Variants in TMEM134 observed in about 807,000 individuals in gnomAD.
The protein encoded by TMEM134 is transmembrane protein 134.
Under a neutral mutation model 26.2 loss-of-function variants are expected in TMEM134, and 36 were observed. The observed-to-expected ratio is 1.37, with a 90% confidence interval of 1.05 to 1.81. The LOEUF is 1.81. Ranked by LOEUF, TMEM134 falls within the 40% of genes most tolerant of loss-of-function variation. The pLI is 0.00. For missense variants in TMEM134, 339 were observed against 263.5 expected, an observed-to-expected ratio of 1.29 and a Z score of -1.98; for synonymous variants, 133 against 113.6, an observed-to-expected ratio of 1.17 and a Z score of -1.08.
intron 1 of TMEM134, 28 bp downstream of exon 1, chr11:67,468,991 A>AG: frequency 6.9e-7 from 1 of 1,455,632 alleles, no homozygotes. Context: ...GGCCGGGGGC[A>AG]GGGGGTTAGG....
Position 67,469,095 on chromosome 11 carries a change from A to C in TMEM134, c.98T>G (p.Phe33Cys), listed in dbSNP as rs1423539231. 1 of 1,510,958 alleles carries C rather than the reference A, an allele frequency of 6.6e-7. No homozygotes were observed. The highest frequency in any genetic ancestry group is 8.9e-7 in the Non-Finnish European group (1 of 1,129,642). 93.6% of individuals were successfully genotyped at this position (1,510,958 alleles called of 1,614,324 possible). ...PGPESSGVAR[F>C]GPLHFERRAR... The stretch of plus-strand genomic sequence containing the variant: ...CCGACGCTCGAAGTGCAGCGGCCCA[A>C]AGCGCGCGACCCCGCTGGACTCGGG... Residue 33 changes from phenylalanine (F) to cysteine (C), a missense_variant, in exon 1 of 7, where the codon TTT becomes TGT. Physicochemically the swap from Phe to Cys is radical, Grantham distance 205 (BLOSUM62 -2). Coordinates refer to ENST00000308022, the MANE Select transcript of TMEM134 (RefSeq NM_025124.4).
intron 2 of TMEM134, 89 bp downstream of exon 2, chr11:67,467,935 AGAGT>A (rs1865380390): frequency 3.4e-6 from 4 of 1,166,794 alleles, no homozygotes; most frequent in Non-Finnish European, 5.0e-6. Context: ...GGGATGGAAG[AGAGT>A]GAGTGAAGTG....
At chr11:67,468,743 T>A (rs905855209) in intron 1 of TMEM134, among the ~76,000 whole-genome samples, 18 of 152,094 alleles carry the variant, frequency 1.2e-4, no homozygotes, top group Admixed American at 1.1e-3. Context: ...GTAGCCAGGA[T>A]GAGTGGGGAA....
chr11:67,467,995 G>C, intron 2 of TMEM134, 33 bp downstream of exon 2: 1 of 1,547,908 alleles, frequency 6.5e-7, no homozygotes. Context: ...GCTGGGGCTG[G>C]GGTACAGGGT....
chr11:67,462,216 C>T lies in TMEM134; in HGVS notation c.*2398G>A, dbSNP rs577637265. The T allele has an allele frequency of 1.3e-5, 2 of 150,896 alleles. No individual in the cohort carries two copies. Among genetic ancestry groups the T allele is most frequent in the South Asian group, 2.1e-4 (1 of 4,762 alleles). 9.3% of individuals were successfully genotyped at this position (150,896 alleles called of 1,614,324 possible). On this transcript the variant is annotated 3_prime_UTR_variant, in exon 7 of 7. Coordinates refer to ENST00000308022, the MANE Select transcript of TMEM134 (RefSeq NM_025124.4). ...ACAAGGAGTAAAAAGTTGTTAGCTG[C>T]GATTCTGTGTTAATTGCCTGTTTGT... is the stretch of plus-strand genomic sequence containing the variant.
chr11:67,464,928 T>A, intron 5 of TMEM134, 72 bp from the exon 6 acceptor site: 1 of 1,568,220 alleles, frequency 6.4e-7, no homozygotes, highest in Non-Finnish European at 8.7e-7. Flanking sequence ...TGCCGCTGAC[T>A]GCCCGGGCAA....
At chr11:67,465,141 T>G (rs1263563956) in intron 4 of TMEM134, 41 bp from the exon 5 acceptor site, 7 of 1,546,646 alleles carry the variant, frequency 4.5e-6, no homozygotes, top group African/African-American at 1.4e-5. Context: ...GCAGGAGCAG[T>G]GGTGAGGGCG....
chr11:67,467,839 G>A, intron 2 of TMEM134, 189 bp downstream of exon 2: 1 of 667,784 alleles, frequency 1.5e-6, no homozygotes, highest in Middle Eastern at 4.1e-4. Context: ...AAAGAGGTGA[G>A]TACAGCTGGG....
rs1865041805 is a variant in TMEM134, at chr11:67,462,329, CTGAT to C, written c.*2281_*2284del. On this transcript the variant is annotated 3_prime_UTR_variant, in exon 7 of 7. Coordinates refer to ENST00000308022, the MANE Select transcript of TMEM134 (RefSeq NM_025124.4). ...AAATGTAATTTTATGTCTAATTAAT[CTGAT>C]AAACTGTGGACTTGTATTCTGTATT... The C allele has an allele frequency of 6.6e-6, 1 of 150,890 alleles. No individual in the cohort carries two copies. Among genetic ancestry groups the C allele is most frequent in the African/African-American group, 2.4e-5 (1 of 41,138 alleles). 9.3% of individuals were successfully genotyped at this position (150,890 alleles called of 1,614,324 possible). A position where few individuals can be genotyped will look rare whatever the true frequency, so the allele number is the denominator to read the frequency against.
Position 67,464,467 on chromosome 11 carries a change from G to T in TMEM134, c.*147C>A. On this transcript the variant is annotated 3_prime_UTR_variant, in exon 7 of 7. Coordinates refer to ENST00000308022, the MANE Select transcript of TMEM134 (RefSeq NM_025124.4). ...GCGACGGGCGGCTTTCCCAGGGCCA[G>T]GCCTGCATGCCCCGAACTTCCTGAG... 1.3e-6 allele frequency: 1 copy of T among 793,728 alleles called. No homozygotes were observed. The highest frequency in any genetic ancestry group is 2.1e-6 in the Non-Finnish European group (1 of 483,710). 49.2% of individuals were successfully genotyped at this position (793,728 alleles called of 1,614,324 possible).
chr11:67,463,469 T>A lies in TMEM134; in HGVS notation c.*1145A>T, dbSNP rs1865075871. On this transcript the variant is annotated 3_prime_UTR_variant, in exon 7 of 7. Transcript: ENST00000308022. The stretch of plus-strand genomic sequence containing the variant: ...TGGCTGTCCTTGGGTGAGTCAGTCC[T>A]TATCTGTAAAATGGGACGGAGGTAG... 6.6e-6 allele frequency: 1 copy of A among 152,214 alleles called. No homozygotes were observed. The highest frequency in any genetic ancestry group is 1.5e-5 in the Non-Finnish European group (1 of 68,062). 9.4% of individuals were successfully genotyped at this position (152,214 alleles called of 1,614,324 possible). A position where few individuals can be genotyped will look rare whatever the true frequency, so the allele number is the denominator to read the frequency against.
At chr11:67,464,970 C>T (rs1865157416) in intron 5 of TMEM134, 86 bp downstream of exon 5, 1 of 1,509,750 alleles carries the variant, frequency 6.6e-7, no homozygotes, top group Non-Finnish European at 9.1e-7. Flanking sequence ...GAGCCGTGTA[C>T]TGCCGGGAGG....
At chr11:67,467,717 T>A in intron 2 of TMEM134, 127 bp from the exon 3 acceptor site, 1 of 912,392 alleles carries the variant, frequency 1.1e-6, no homozygotes, top group Non-Finnish European at 1.7e-6. Context: ...TAGTGGGCCC[T>A]GAGAGGCCTC....
In TMEM134 at chr11:67,464,593, G is replaced by A. The variant is rs558149944; in HGVS notation, c.*21C>T. 1.5e-5 allele frequency: 24 copies of A among 1,551,274 alleles called. 2 individuals are homozygous for A. The African/African-American group carries it at 2.5e-4, about 16-fold the overall frequency. ...AAGAGGGGCGCCCCCATGGGCGCAA[G>A]GGGTCCACGCTGCGCCGCGATCACT... On this transcript the variant is annotated 3_prime_UTR_variant, in exon 7 of 7. Coordinates refer to ENST00000308022, the MANE Select transcript of TMEM134 (RefSeq NM_025124.4).
Position 67,464,544 on chromosome 11 carries a change from G to T in TMEM134, c.*70C>A. On this transcript the variant is annotated 3_prime_UTR_variant, in exon 7 of 7. Coordinates refer to ENST00000308022, the MANE Select transcript of TMEM134 (RefSeq NM_025124.4). ...AGGGTCCTGGAGGGCCTCTTCCCTT[G>T]AGATGAGGGGAACGGAACAGGGCAA... 2 of 1,486,094 alleles carry T rather than the reference G, an allele frequency of 1.3e-6. No individual in the cohort carries two copies. The highest frequency in any genetic ancestry group is 2.4e-5 in the South Asian group (2 of 82,646). 92.1% of individuals were successfully genotyped at this position (1,486,094 alleles called of 1,614,324 possible). A position where few individuals can be genotyped will look rare whatever the true frequency, so the allele number is the denominator to read the frequency against.
intron 1 of TMEM134, 78 bp downstream of exon 1, chr11:67,468,941 C>A: frequency 7.4e-7 from 1 of 1,343,470 alleles, no homozygotes; most frequent in Non-Finnish European, 9.6e-7. Context: ...AGATGCTTCC[C>A]CGAGTTGAGG....
At chr11:67,468,869 G>A in intron 1 of TMEM134, 150 bp downstream of exon 1, 1 of 864,284 alleles carries the variant, frequency 1.2e-6, no homozygotes, top group Non-Finnish European at 1.6e-6. Context: ...CAGGGCTCTG[G>A]ATCAAGAGTC....
intron 5 of TMEM134, 51 bp from the exon 6 acceptor site, chr11:67,464,907 G>T: frequency 6.3e-7 from 1 of 1,597,674 alleles, no homozygotes; most frequent in Non-Finnish European, 8.5e-7. Context: ...AGGCTTCGAG[G>T]CCTTCCGGGC....
intron 1 of TMEM134, 34 bp downstream of exon 1, chr11:67,468,980 CGGCCG>C: frequency 7.0e-7 from 1 of 1,433,426 alleles, no homozygotes; most frequent in East Asian, 3.0e-5. Flanking sequence ...GGGTCCCGTC[CGGCCG>C]GGGGCAGGGG....
Sources: allele counts gnomAD v4.1 joint callset (sites outside exome capture counted in the v4.1 genomes callset), GRCh38; gene constraint gnomAD v4.1.1; transcripts MANE v1.5; gene names NCBI Gene and HGNC (gene_info 2026-07-23, HGNC 2026-07-21).